The following ABI3BP variants were observed in gnomAD, a reference collection of about 807,000 sequenced individuals.
ABI3BP encodes the protein ABI family member 3 binding protein.
A neutral mutation model predicts 268.6 loss-of-function variants in ABI3BP; 216 were observed. The ratio of observed to expected loss-of-function variants is 0.80; its 90% CI spans 0.72 to 0.90. The LOEUF (loss-of-function observed/expected upper bound fraction) is 0.90. Ranked by LOEUF, ABI3BP falls within the 40% of genes least tolerant of loss-of-function variation. ABI3BP has a pLI of 0.00. For synonymous variants in ABI3BP, 730 were observed against 730.0 expected (o/e 1.00, Z 0.00); for missense variants, 2,090 against 2,182.4 (o/e 0.96, Z 0.84).
intron 1 of ABI3BP, among the ~76,000 whole-genome samples, chr3:100,939,798 T>C (rs1265016471): frequency 6.6e-6 from 1 of 152,036 alleles, no homozygotes; most frequent in Admixed American, 6.6e-5. Context: ...GCGAATTTCC[T>C]CTTCCTAATA....
intron 51 of ABI3BP, among the ~76,000 whole-genome samples, chr3:100,800,207 A>G (rs547086539): frequency 2.5e-4 from 33 of 134,256 alleles, no homozygotes; most frequent in African/African-American, 1.0e-3. Flanking sequence ...ATTCCTGGCT[A>G]TTAATCTTTT....
chr3:100,808,874 T>G (rs968012133), intron 49 of ABI3BP, among the ~76,000 whole-genome samples: 1 of 151,982 alleles, frequency 6.6e-6, no homozygotes, highest in African/African-American at 2.4e-5. Flanking sequence ...TCTATCCTGC[T>G]GAAGGAAAGG....
At position 100,750,341 on chromosome 3, in the gene ABI3BP, G is replaced by A; in HGVS notation, c.*154C>T. On this transcript the variant is annotated 3_prime_UTR_variant, in exon 68 of 68. Coordinates refer to ENST00000471714, the MANE Select transcript of ABI3BP (RefSeq NM_001375547.2). Reference sequence around the variant, plus strand: ...TTGTAAAACCTGATAAATACTCTCAGCAATCTTTTCTAATAATAAACATCT... The same window carrying A: ...TTGTAAAACCTGATAAATACTCTCAACAATCTTTTCTAATAATAAACATCT... The A allele has an allele frequency of 1.9e-6, 1 of 532,578 alleles. No individual in the cohort carries two copies. The highest frequency in any genetic ancestry group is 3.1e-5 in the South Asian group (1 of 31,872). 33.0% of individuals were successfully genotyped at this position (532,578 alleles called of 1,614,324 possible).
intron 1 of ABI3BP, among the ~76,000 whole-genome samples, chr3:100,960,863 C>T (rs191979944): frequency 3.9e-5 from 6 of 152,296 alleles, no homozygotes; most frequent in East Asian, 1.9e-4. Context: ...GAAGTGGATT[C>T]TCACCCTCTG....
chr3:100,845,367 T>C (rs926564905), intron 20 of ABI3BP, among the ~76,000 whole-genome samples: 2 of 152,204 alleles, frequency 1.3e-5, no homozygotes, highest in African/African-American at 2.4e-5. Context: ...CAGTGTCAAC[T>C]ATACTCCCTT....
chr3:100,777,249 G>A (rs570469613), intron 59 of ABI3BP, among the ~76,000 whole-genome samples: 12 of 152,232 alleles, frequency 7.9e-5, no homozygotes, highest in Admixed American at 2.0e-4. Context: ...CTCTTATCCC[G>A]ATTCCACCTA....
intron 49 of ABI3BP, among the ~76,000 whole-genome samples, chr3:100,808,500 A>T (rs1178721097): frequency 6.6e-6 from 1 of 152,108 alleles, no homozygotes; most frequent in African/African-American, 2.4e-5. Flanking sequence ...AATACCTTCT[A>T]AATAGTTTGA....
chr3:100,877,068 TC>T (rs1159428977), intron 6 of ABI3BP, among the ~76,000 whole-genome samples: 6 of 152,166 alleles, frequency 3.9e-5, no homozygotes, highest in African/African-American at 1.2e-4. Flanking sequence ...CTCATAAATA[TC>T]CCAAGGTTTG....
intron 61 of ABI3BP, among the ~76,000 whole-genome samples, chr3:100,772,114 T>C (rs2096563448): frequency 6.6e-6 from 1 of 152,194 alleles, no homozygotes; most frequent in African/African-American, 2.4e-5. Flanking sequence ...TCTTCAATTA[T>C]TGAAATAAAA....
chr3:100,899,006 T>C, intron 3 of ABI3BP, 112 bp from the exon 4 acceptor site: 1 of 1,182,772 alleles, frequency 8.5e-7, no homozygotes, highest in Non-Finnish European at 1.2e-6. Context: ...TGTGAAAACA[T>C]CAAGTTCCTT....
intron 1 of ABI3BP, among the ~76,000 whole-genome samples, chr3:100,956,252 CACACACACATAT>C (rs2076812738): frequency 7.9e-6 from 1 of 126,896 alleles, no homozygotes. Flanking sequence ...CACACACACA[CACACACACATAT>C]GGCATGTCAA....
chr3:100,961,592 T>C (rs1352558214), intron 1 of ABI3BP, among the ~76,000 whole-genome samples: 2 of 152,194 alleles, frequency 1.3e-5, no homozygotes, highest in African/African-American at 4.8e-5. Context: ...ATCCAGATAT[T>C]ATTACTGCTA....
intron 4 of ABI3BP, among the ~76,000 whole-genome samples, chr3:100,894,715 A>G (rs544175532): frequency 1.6e-4 from 24 of 152,096 alleles, no homozygotes; most frequent in East Asian, 5.8e-4. Context: ...CAAGGAGGGC[A>G]GATCACGAGG....
chr3:100,913,262 T>A (rs532844495), intron 2 of ABI3BP, among the ~76,000 whole-genome samples: 2 of 152,112 alleles, frequency 1.3e-5, no homozygotes, highest in East Asian at 1.9e-4. Context: ...GTAGTCCACA[T>A]CCACCCTGAA....
chr3:100,837,406 C>G (rs2098612129), intron 26 of ABI3BP: 1 of 427,058 alleles, frequency 2.3e-6, no homozygotes, highest in Non-Finnish European at 4.1e-6. Flanking sequence ...ATTCTGAGAA[C>G]TGTTATATAA....
In ABI3BP at chr3:100,874,845, T is replaced by C; in HGVS notation, c.906A>G (p.Gln302=). The C allele has an allele frequency of 6.3e-7, 1 of 1,584,470 alleles. No individual in the cohort carries two copies. Among genetic ancestry groups the C allele is most frequent in the Non-Finnish European group, 8.6e-7 (1 of 1,161,576 alleles). ...MFEISDALKT[Q]LAKNETLALP... is the part of the protein sequence containing the mutation. ...ATACAAAACTTTTCTGCTTACCTAA[T>C]TGTGTCTTGAGTGCATCTGAAATCT... Residue 302 remains glutamine (Q), a synonymous_variant, in exon 9 of 68, where the codon CAA becomes CAG. Coordinates refer to ENST00000471714, the MANE Select transcript of ABI3BP (RefSeq NM_001375547.2).
At chr3:100,835,968 T>C (rs2098579288) in intron 27 of ABI3BP, among the ~76,000 whole-genome samples, 1 of 152,138 alleles carries the variant, frequency 6.6e-6, no homozygotes, top group African/African-American at 2.4e-5. Context: ...TAAAGTACTC[T>C]AAAAATTTGT....
chr3:100,804,657 C>T, intron 51 of ABI3BP, 135 bp downstream of exon 51: 1 of 767,598 alleles, frequency 1.3e-6, no homozygotes, highest in Middle Eastern at 2.5e-4. Flanking sequence ...CTGAAATTAT[C>T]ATACCACATA....
intron 51 of ABI3BP, among the ~76,000 whole-genome samples, chr3:100,799,471 C>T (rs976522471): frequency 2.6e-5 from 4 of 152,210 alleles, no homozygotes; most frequent in South Asian, 4.2e-4. Flanking sequence ...TATGTACTCA[C>T]GTAAGTTTCT....
Sources: gnomAD v4.1 joint callset for allele counts (sites outside exome capture counted in the v4.1 genomes callset) on GRCh38, gnomAD v4.1.1 for gene constraint, MANE v1.5 for transcripts, NCBI Gene and HGNC (gene_info 2026-07-23, HGNC 2026-07-21) for gene names.